The following ZFPM2 variants were observed in gnomAD, a reference collection of about 807,000 sequenced individuals.
ZFPM2 encodes the protein zinc finger protein, FOG family member 2.
In ZFPM2, 20 loss-of-function variants were observed where a neutral mutation model predicts 98.6. The ratio of observed to expected loss-of-function variants is 0.20; its 90% CI spans 0.14 to 0.29. ZFPM2 has a LOEUF of 0.29. Among genes scored for constraint, ZFPM2 ranks in the 10% least tolerant of loss-of-function variants. The pLI is 1.00. For synonymous variants in ZFPM2, 518 were observed against 502.7 expected (o/e 1.03, Z -0.41); for missense variants, 1,310 against 1,388.6 (o/e 0.94, Z 0.90).
intron 2 of ZFPM2, among the ~76,000 whole-genome samples, chr8:105,434,850 G>T (rs1047177413): frequency 6.6e-6 from 1 of 152,200 alleles, no homozygotes. Flanking sequence ...CTGTTTGCTT[G>T]CATGACTGCT....
At chr8:105,336,072 G>A (rs551731861) in intron 1 of ZFPM2, among the ~76,000 whole-genome samples, 5 of 151,916 alleles carry the variant, frequency 3.3e-5, no homozygotes, top group South Asian at 2.1e-4. Flanking sequence ...ATATATTTAC[G>A]TTTTAGAAGG....
At chr8:105,477,521 G>A (rs577782285) in intron 3 of ZFPM2, among the ~76,000 whole-genome samples, 1 of 152,088 alleles carries the variant, frequency 6.6e-6, no homozygotes, top group East Asian at 1.9e-4. Flanking sequence ...GGGATTACAG[G>A]TGTGAGCCAC....
At chr8:105,331,807 T>C (rs1010140654) in intron 1 of ZFPM2, among the ~76,000 whole-genome samples, 3 of 151,804 alleles carry the variant, frequency 2.0e-5, no homozygotes, top group African/African-American at 4.8e-5. Flanking sequence ...TGATCACTTA[T>C]TACATTTTAA....
rs184258135 is a variant in ZFPM2, at chr8:105,361,973, A to G, written c.40+42992A>G. 5.3e-5 allele frequency among the ~76,000 whole-genome samples: 8 copies of G among 152,158 alleles called. No homozygotes were observed. In the East Asian group the frequency reaches 1.2e-3, roughly 22 times the overall value. On this transcript the variant is annotated intron_variant, in intron 1 of 7. Transcript: ENST00000407775. ...TGTAACATGCAGCCTGGGCAGGTTT[A>G]CTCTATGATGTTACATAACAATGAA...
intron 5 of ZFPM2, among the ~76,000 whole-genome samples, chr8:105,715,552 G>C (rs1441410326): frequency 6.6e-6 from 1 of 151,678 alleles, no homozygotes; most frequent in Non-Finnish European, 1.5e-5. Context: ...ATTTATATCA[G>C]TAAAATTTAT....
chr8:105,654,703 A>G (rs546202882), intron 5 of ZFPM2, among the ~76,000 whole-genome samples: 1 of 152,292 alleles, frequency 6.6e-6, no homozygotes, highest in Admixed American at 6.5e-5. Flanking sequence ...ATTCTATTCA[A>G]GCAGCTCCAT....
chr8:105,622,569 T>G (rs895103338), intron 4 of ZFPM2, among the ~76,000 whole-genome samples: 2 of 152,182 alleles, frequency 1.3e-5, no homozygotes, highest in African/African-American at 2.4e-5. Flanking sequence ...TCTCATTTGA[T>G]TCTGACTTCT....
intron 3 of ZFPM2, among the ~76,000 whole-genome samples, chr8:105,548,193 G>T (rs1814757784): frequency 6.6e-6 from 1 of 151,968 alleles, no homozygotes; most frequent in Admixed American, 6.6e-5. Flanking sequence ...GAGAGGACAT[G>T]ATAAATATAC....
rs1341418183 is a variant in ZFPM2 at position 105,351,383 on chromosome 8, T to TGTGTG, written c.40+32402_40+32403insGTGTG. Reference sequence around the variant, plus strand: ...TGTGTGTGTGTGTGTGTGTGTGTGTTTGTGTGTGTGTGTGTATGTAAATAT... The same window carrying TGTGTG: ...TGTGTGTGTGTGTGTGTGTGTGTGTTGTGTGTGTGTGTGTGTGTGTATGTAAATAT... On this transcript the variant is annotated intron_variant, in intron 1 of 7. Coordinates refer to ENST00000407775, the MANE Select transcript of ZFPM2 (RefSeq NM_012082.4). 4.0e-3 allele frequency among the ~76,000 whole-genome samples: 298 copies of TGTGTG among 74,596 alleles called. 1 individual carries two copies. Among genetic ancestry groups the TGTGTG allele is most frequent in the African/African-American group, 0.011 (277 of 25,324 alleles). 48.9% of individuals were successfully genotyped at this position (74,596 alleles called of 152,430 possible).
chr8:105,552,160 T>C lies in ZFPM2; in HGVS notation c.302-9203T>C, dbSNP rs1454036500. Among the ~76,000 whole-genome samples, 4 of 152,304 alleles carry C rather than the reference T, an allele frequency of 2.6e-5. No individual in the cohort carries two copies. In the South Asian group the frequency reaches 6.2e-4, roughly 24 times the overall value. ...GGACAGGATCAATAGTTGATTTTTA[T>C]CTTGTTTCTTCTTTGGAGTTTTTCC... On this transcript the variant is annotated intron_variant, in intron 3 of 7. Transcript: ENST00000407775.
chr8:105,541,309 T>G (rs966405535), intron 3 of ZFPM2, among the ~76,000 whole-genome samples: 15 of 152,172 alleles, frequency 9.9e-5, no homozygotes, highest in African/African-American at 3.4e-4. Flanking sequence ...ACCCTGAGTT[T>G]CAGTTTAAGT....
chr8:105,416,547 A>G (rs1811682809), intron 1 of ZFPM2, among the ~76,000 whole-genome samples: 1 of 151,842 alleles, frequency 6.6e-6, no homozygotes. Flanking sequence ...CACATTTTAT[A>G]TATGAAAATA....
intron 5 of ZFPM2, among the ~76,000 whole-genome samples, chr8:105,660,353 A>G (rs972929198): frequency 6.6e-6 from 1 of 152,196 alleles, no homozygotes; most frequent in African/African-American, 2.4e-5. Flanking sequence ...ATTAGAGCTT[A>G]CAGTCTTGTC....
chr8:105,456,310 C>T (rs904157024), intron 3 of ZFPM2, among the ~76,000 whole-genome samples: 4 of 151,430 alleles, frequency 2.6e-5, no homozygotes, highest in African/African-American at 9.7e-5. Flanking sequence ...GCTCTGGTGG[C>T]AGAAACCAGA....
intron 5 of ZFPM2, among the ~76,000 whole-genome samples, chr8:105,767,030 A>G (rs914540213): frequency 3.3e-5 from 5 of 151,920 alleles, no homozygotes; most frequent in Admixed American, 6.6e-5. Context: ...CTTGGCGTCT[A>G]TTGCTACAAC....
At chr8:105,774,967 G>T in intron 5 of ZFPM2, among the ~76,000 whole-genome samples, 1 of 151,228 alleles carries the variant, frequency 6.6e-6, no homozygotes, top group East Asian at 1.9e-4. Context: ...GGTCCTGCCA[G>T]CTACTTAGCA....
intron 5 of ZFPM2, among the ~76,000 whole-genome samples, chr8:105,663,967 G>A (rs1004819624): frequency 6.6e-6 from 1 of 152,172 alleles, no homozygotes; most frequent in Non-Finnish European, 1.5e-5. Context: ...GTCCCCTTGG[G>A]ATTCTCAGTA....
intron 5 of ZFPM2, among the ~76,000 whole-genome samples, chr8:105,663,413 A>C (rs1174374030): frequency 6.6e-6 from 1 of 152,210 alleles, no homozygotes; most frequent in Non-Finnish European, 1.5e-5. Flanking sequence ...CTTGTTACAC[A>C]TGTTCATTCA....
At chr8:105,439,592 A>G (rs1197142409) in intron 2 of ZFPM2, among the ~76,000 whole-genome samples, 1 of 152,136 alleles carries the variant, frequency 6.6e-6, no homozygotes, top group Non-Finnish European at 1.5e-5. Flanking sequence ...TTATGCAGAA[A>G]CTAATATGGT....
Sources: gnomAD v4.1 joint callset for allele counts (sites outside exome capture counted in the v4.1 genomes callset) on GRCh38, gnomAD v4.1.1 for gene constraint, MANE v1.5 for transcripts, NCBI Gene and HGNC (gene_info 2026-07-23, HGNC 2026-07-21) for gene names.